Variants in PTPRQ observed in about 807,000 individuals in gnomAD.
The protein encoded by PTPRQ is phosphatidylinositol phosphatase PTPRQ.
A neutral mutation model predicts 246.0 loss-of-function variants in PTPRQ; 199 were observed. The observed-to-expected ratio is 0.81, with a 90% CI of 0.72 to 0.91. The LOEUF (loss-of-function observed/expected upper bound fraction) is 0.91, where lower values mean the gene tolerates loss of function less well. Ranked by LOEUF, PTPRQ falls within the 40% of genes least tolerant of loss-of-function variation. The pLI, the probability that PTPRQ is intolerant of heterozygous loss-of-function variation, is 0.00. For missense variants in PTPRQ, 2,624 were observed against 2,528.4 expected (o/e 1.04, Z -0.81); for synonymous variants, 869 against 853.2 (o/e 1.02, Z -0.32).
At chr12:80,632,411 G>C in intron 34 of PTPRQ, 120 bp downstream of exon 34, 1 of 1,360,586 alleles carries the variant, frequency 7.3e-7, no homozygotes, top group South Asian at 1.4e-5. Context: ...ATTTTTAATA[G>C]ACAGATAAAA....
intron 39 of PTPRQ, 32 bp downstream of exon 39, chr12:80,658,093 T>C (rs1900503349): frequency 8.4e-7 from 1 of 1,196,410 alleles, no homozygotes; most frequent in Non-Finnish European, 1.1e-6. Context: ...TTTATAATTG[T>C]ATAAAACATA....
At chr12:80,532,776 T>A (rs1273726475) in intron 17 of PTPRQ, among the ~76,000 whole-genome samples, 2 of 152,218 alleles carry the variant, frequency 1.3e-5, no homozygotes, top group African/African-American at 4.8e-5. Context: ...GCCTGGCTAA[T>A]CCTGCCTGTC....
intron 4 of PTPRQ, among the ~76,000 whole-genome samples, chr12:80,457,893 T>C (rs1442299588): frequency 6.6e-6 from 1 of 152,094 alleles, no homozygotes; most frequent in Non-Finnish European, 1.5e-5. Flanking sequence ...ATGAAAATTA[T>C]CCATAGACTT....
intron 6 of PTPRQ, chr12:80,465,258 A>T (rs202140475): frequency 6.6e-6 from 1 of 152,188 alleles, no homozygotes; most frequent in African/African-American, 2.4e-5. Context: ...AATCTAGAAG[A>T]AATGGATAAA....
At chr12:80,677,229 T>C (rs1184949697) in intron 43 of PTPRQ, among the ~76,000 whole-genome samples, 2 of 152,222 alleles carry the variant, frequency 1.3e-5, no homozygotes, top group Non-Finnish European at 2.9e-5. Flanking sequence ...AAAAAGATTA[T>C]ATTGTGTCAA....
intron 29 of PTPRQ, among the ~76,000 whole-genome samples, chr12:80,615,450 C>T (rs9668261): frequency 0.35 from 52,776 of 150,838 alleles, 9,781 homozygotes; most frequent in African/African-American, 0.47. Flanking sequence ...AATATAGTCT[C>T]TGTTTAATAT....
chr12:80,509,225 C>T (rs751977785), intron 16 of PTPRQ, among the ~76,000 whole-genome samples: 3 of 151,804 alleles, frequency 2.0e-5, no homozygotes, highest in Non-Finnish European at 2.9e-5. Flanking sequence ...TTCTGCTGCT[C>T]AATAAAATTT....
chr12:80,526,678 A>G (rs185055196), intron 17 of PTPRQ, among the ~76,000 whole-genome samples: 11 of 152,258 alleles, frequency 7.2e-5, no homozygotes, highest in Non-Finnish European at 1.3e-4. Flanking sequence ...GAGTAACAAT[A>G]TTATAAATTT....
chr12:80,522,623 T>A lies in PTPRQ; in HGVS notation c.2679-11392T>A, dbSNP rs866993960. ...TTTTCTGCATCTATTGAGATAATCA[T>A]GTGGTTTTTGTCTTTGGTTCTGTTT... On this transcript the variant is annotated intron_variant, in intron 17 of 44. Coordinates refer to ENST00000644991, the MANE Select transcript of PTPRQ (RefSeq NM_001145026.2). Among the ~76,000 whole-genome samples, 44 of 152,346 alleles carry A rather than the reference T, an allele frequency of 2.9e-4. No homozygotes were observed. In the Middle Eastern group the frequency reaches 0.014, roughly 47 times the overall value.
intron 3 of PTPRQ, among the ~76,000 whole-genome samples, chr12:80,454,821 A>G (rs976832310): frequency 1.1e-4 from 16 of 152,256 alleles, no homozygotes; most frequent in African/African-American, 3.9e-4. Context: ...TATAAAGGCG[A>G]AATTATTTAA....
At chr12:80,493,537 T>G (rs1476965499) in intron 10 of PTPRQ, 82 bp downstream of exon 10, 21 of 1,424,972 alleles carry the variant, frequency 1.5e-5, no homozygotes, top group Non-Finnish European at 1.8e-5. Flanking sequence ...AGCTTAGAGT[T>G]CAGCCATATT....
intron 26 of PTPRQ, among the ~76,000 whole-genome samples, chr12:80,589,498 A>T (rs1420869462): frequency 6.6e-6 from 1 of 152,222 alleles, no homozygotes; most frequent in Non-Finnish European, 1.5e-5. Context: ...GTATAGTAAC[A>T]TACCTACACA....
intron 39 of PTPRQ, among the ~76,000 whole-genome samples, chr12:80,660,326 A>G (rs575664332): frequency 6.9e-4 from 105 of 152,174 alleles, no homozygotes; most frequent in Non-Finnish European, 1.3e-3. Flanking sequence ...CCTCCAGCCC[A>G]GGGTTTATAA....
At chr12:80,568,255 T>A (rs931439638) in intron 25 of PTPRQ, among the ~76,000 whole-genome samples, 2 of 152,190 alleles carry the variant, frequency 1.3e-5, no homozygotes, top group Admixed American at 6.5e-5. Flanking sequence ...ACATAGAGAT[T>A]TTTTTGTATA....
At chr12:80,642,796 T>C (rs1899914815) in intron 35 of PTPRQ, among the ~76,000 whole-genome samples, 1 of 149,046 alleles carries the variant, frequency 6.7e-6, no homozygotes, top group Non-Finnish European at 1.5e-5. Flanking sequence ...GGCGGGCGCC[T>C]GTAGTCCCAG....
chr12:80,597,925 A>T (rs1425719121), intron 26 of PTPRQ, among the ~76,000 whole-genome samples: 1 of 152,000 alleles, frequency 6.6e-6, no homozygotes, highest in Non-Finnish European at 1.5e-5. Flanking sequence ...CTCAGAAAAT[A>T]TGTATTCTCT....
chr12:80,487,698 A>G (rs1373189055), intron 9 of PTPRQ, among the ~76,000 whole-genome samples: 1 of 152,094 alleles, frequency 6.6e-6, no homozygotes, highest in Non-Finnish European at 1.5e-5. Flanking sequence ...TACATCCAGA[A>G]TGTGACTTGC....
chr12:80,631,320 A>G (rs1353754687), intron 33 of PTPRQ, among the ~76,000 whole-genome samples: 1 of 152,182 alleles, frequency 6.6e-6, no homozygotes, highest in East Asian at 1.9e-4. Flanking sequence ...AGTTTATCTT[A>G]TATAACAAAC....
intron 33 of PTPRQ, among the ~76,000 whole-genome samples, chr12:80,626,049 G>A (rs188584947): frequency 7.2e-5 from 11 of 152,130 alleles, no homozygotes; most frequent in Non-Finnish European, 1.3e-4. Flanking sequence ...CTCTGTGATT[G>A]TTTTCTTTTG....
Sources: gnomAD v4.1 joint callset for allele counts (sites outside exome capture counted in the v4.1 genomes callset) on GRCh38, gnomAD v4.1.1 for gene constraint, MANE v1.5 for transcripts, NCBI Gene and HGNC (gene_info 2026-07-23, HGNC 2026-07-21) for gene names.